TNIK: variants seen among roughly 807,000 people sequenced by gnomAD.
TNIK encodes TRAF2 and NCK interacting kinase, also known as TRAF2 and NCK-interacting protein kinase.
In TNIK, 49 loss-of-function variants were observed where a neutral mutation model predicts 191.3. That is an observed-to-expected ratio of 0.26 (90% CI 0.20 to 0.32). TNIK has a LOEUF of 0.32. Ranked by LOEUF, TNIK falls within the 10% of genes least tolerant of loss-of-function variation. The pLI is 1.00. For missense variants in TNIK, 1,155 were observed against 1,702.3 expected (o/e 0.68, Z 5.66); for synonymous variants, 594 against 600.9 (o/e 0.99, Z 0.17).
intron 15 of TNIK, 69 bp downstream of exon 15, chr3:171,138,122 C>A (rs1730295848): frequency 1.4e-6 from 2 of 1,417,354 alleles, no homozygotes; most frequent in Admixed American, 5.8e-5. Flanking sequence ...TAACTCTCCA[C>A]TTCTATCACA....
intron 25 of TNIK, 148 bp from the exon 26 acceptor site, chr3:171,084,473 T>G (rs1429059381): frequency 3.1e-6 from 3 of 976,700 alleles, no homozygotes; most frequent in Non-Finnish European, 4.4e-6. Context: ...TTACACTTTT[T>G]TTTTGTTTTA....
intron 8 of TNIK, 142 bp downstream of exon 8, chr3:171,177,183 GA>G: frequency 1.5e-6 from 1 of 646,170 alleles, no homozygotes; most frequent in Non-Finnish European, 2.4e-6. Context: ...GATTTAAGAT[GA>G]CTCTGCTTTC....
chr3:171,355,312 T>C (rs1713870533), intron 2 of TNIK, among the ~76,000 whole-genome samples: 1 of 152,186 alleles, frequency 6.6e-6, no homozygotes, highest in Admixed American at 6.5e-5. Flanking sequence ...GGTGATTGGC[T>C]TCTGTGATAG....
rs749607796 is a variant in TNIK, at chr3:171,079,576, T to C, written c.3390A>G (p.Glu1130=). The change falls in exon 28 of 33, where the codon GAA becomes GAG. Residue 1130 remains glutamate, a synonymous_variant. Coordinates refer to ENST00000436636, the MANE Select transcript of TNIK (RefSeq NM_015028.4). The part of the protein sequence containing the change: ...NRILHNDPEV[E]KKQGWITVGD... Reference sequence around the variant, plus strand: ...CAACAGTGATCCAGCCTTGTTTCTTTTCTACTTCTGGGTCATTATGTAGTA... The same window carrying C: ...CAACAGTGATCCAGCCTTGTTTCTTCTCTACTTCTGGGTCATTATGTAGTA... The C allele has an allele frequency of 2.5e-6, 4 of 1,613,796 alleles. No individual in the cohort carries two copies. In the South Asian group the frequency reaches 4.4e-5, roughly 18 times the overall value.
intron 11 of TNIK, 131 bp from the exon 12 acceptor site, chr3:171,157,795 C>A: frequency 1.1e-6 from 1 of 901,982 alleles, no homozygotes; most frequent in Non-Finnish European, 1.7e-6. Flanking sequence ...GCTCCTAGAT[C>A]CTCCGCTAAT....
intron 7 of TNIK, among the ~76,000 whole-genome samples, chr3:171,185,903 C>A (rs1451558329): frequency 6.6e-6 from 1 of 152,100 alleles, no homozygotes; most frequent in African/African-American, 2.4e-5. Flanking sequence ...CCAAGTCATC[C>A]TTTATTCTAA....
chr3:171,074,945 T>C (rs1464139178), intron 28 of TNIK, among the ~76,000 whole-genome samples: 1 of 152,188 alleles, frequency 6.6e-6, no homozygotes. Context: ...TTTAGATGTG[T>C]GGATATAGAT....
chr3:171,123,711 A>T lies in TNIK; in HGVS notation c.2014-9T>A, dbSNP rs755422006. Reference sequence around the variant, plus strand: ...GTTGTTCTTTGAGGCACCTGGAAGAAACCAGAATTCAGAAATATTTTCCAT... The same window carrying T: ...GTTGTTCTTTGAGGCACCTGGAAGATACCAGAATTCAGAAATATTTTCCAT... On this transcript the variant is annotated splice_polypyrimidine_tract_variant and intron_variant, in intron 17 of 32. Transcript: ENST00000436636. 26 of 1,551,480 alleles carry T rather than the reference A, an allele frequency of 1.7e-5. No individual in the cohort carries two copies.
intron 23 of TNIK, 115 bp from the exon 24 acceptor site, chr3:171,087,621 G>T: frequency 9.1e-7 from 1 of 1,104,806 alleles, no homozygotes; most frequent in Non-Finnish European, 1.3e-6. Flanking sequence ...ACTAGGGCAT[G>T]AGAAGGTGAT....
At chr3:171,418,768 T>C (rs568368424) in intron 1 of TNIK, among the ~76,000 whole-genome samples, 1 of 152,290 alleles carries the variant, frequency 6.6e-6, no homozygotes, top group African/African-American at 2.4e-5. Context: ...CAATGGTATA[T>C]TATTCAGCCA....
At position 171,323,734 on chromosome 3, in the gene TNIK, C is replaced by T. The variant is rs567234319; in HGVS notation, c.123+45886G>A. Among the ~76,000 whole-genome samples the T allele has an allele frequency of 3.9e-5, 6 of 152,280 alleles. No individual in the cohort carries two copies. The East Asian group carries it at 7.7e-4, about 20-fold the overall frequency. ...TTTAAAAATAAACAGTGTGAAGATA[C>T]TGCACAGGAATCCAAGTGAGAATGA... is the stretch of plus-strand genomic sequence containing the variant. On this transcript the variant is annotated intron_variant, in intron 2 of 32. Coordinates refer to ENST00000436636, the MANE Select transcript of TNIK (RefSeq NM_015028.4).
chr3:171,355,363 T>C (rs1385765652), intron 2 of TNIK, among the ~76,000 whole-genome samples: 26 of 152,326 alleles, frequency 1.7e-4, no homozygotes, highest in African/African-American at 6.3e-4. Context: ...TTCTGAAGTA[T>C]TTGAAGTGTC....
At chr3:171,152,547 C>G (rs1210250003) in intron 12 of TNIK, among the ~76,000 whole-genome samples, 1 of 152,080 alleles carries the variant, frequency 6.6e-6, no homozygotes, top group Non-Finnish European at 1.5e-5. Context: ...AGCTTTGCTA[C>G]TGATCTCCCT....
At position 171,082,273 on chromosome 3, in the gene TNIK, C is replaced by G. The variant is rs746282117; in HGVS notation, c.3291G>C (p.Leu1097=). Residue 1097 remains leucine (L), a synonymous_variant, in exon 27 of 33, where the codon CTG becomes CTC. Coordinates refer to ENST00000436636, the MANE Select transcript of TNIK (RefSeq NM_015028.4). The part of the protein sequence containing the change: ...RFQQMDVLEG[L]NVLVTISGKK... ...TACCTGAAATTGTCACAAGGACATT[C>G]AGTCCCTCTAGCACATCCATCTGCT... is the stretch of plus-strand genomic sequence containing the variant. The G allele has an allele frequency of 1.7e-5, 27 of 1,613,352 alleles. 1 individual carries two copies. In the Admixed American group the frequency reaches 4.3e-4, roughly 26 times the overall value.
intron 3 of TNIK, among the ~76,000 whole-genome samples, chr3:171,213,081 T>C (rs1196497374): frequency 6.6e-6 from 1 of 152,018 alleles, no homozygotes; most frequent in African/African-American, 2.4e-5. Context: ...GACCACCTAT[T>C]CTTCTTAGCA....
chr3:171,356,015 G>A (rs548657594), intron 2 of TNIK, among the ~76,000 whole-genome samples: 1 of 152,158 alleles, frequency 6.6e-6, no homozygotes, highest in East Asian at 1.9e-4. Flanking sequence ...TTGGAATAGA[G>A]GAAAAGTACA....
chr3:171,308,341 A>G (rs1200848016), intron 2 of TNIK, among the ~76,000 whole-genome samples: 1 of 152,198 alleles, frequency 6.6e-6, no homozygotes, highest in Non-Finnish European at 1.5e-5. Flanking sequence ...TCCCTATACA[A>G]TAAATGGTGC....
intron 9 of TNIK, among the ~76,000 whole-genome samples, chr3:171,168,958 G>A (rs547346693): frequency 6.3e-4 from 96 of 152,272 alleles, no homozygotes; most frequent in Non-Finnish European, 1.2e-3. Context: ...TTGGAGAGCG[G>A]ATATTCTTCT....
chr3:171,138,415 C>T, intron 14 of TNIK, 36 bp from the exon 15 acceptor site: 1 of 1,470,720 alleles, frequency 6.8e-7, no homozygotes, highest in Non-Finnish European at 9.0e-7. Flanking sequence ...AAGAAAAGGC[C>T]AAATTATCAC....
Sources: gnomAD v4.1 joint callset for allele counts (sites outside exome capture counted in the v4.1 genomes callset) on GRCh38, gnomAD v4.1.1 for gene constraint, MANE v1.5 for transcripts, NCBI Gene and HGNC (gene_info 2026-07-23, HGNC 2026-07-21) for gene names.